ARHGEF7: variants seen among roughly 807,000 people sequenced by gnomAD.
The protein encoded by ARHGEF7 is Rho guanine nucleotide exchange factor 7, also known as PAK-interacting exchange factor beta.
Under a neutral mutation model 109.8 loss-of-function variants are expected in ARHGEF7, and 33 were observed. The ratio of observed to expected loss-of-function variants is 0.30; its 90% CI spans 0.23 to 0.40. ARHGEF7 has a LOEUF of 0.40. Ranked by LOEUF, ARHGEF7 falls within the 10% of genes least tolerant of loss-of-function variation. The probability of loss-of-function intolerance (pLI) is 1.00; values close to 1 mark genes in which losing one functional copy is unlikely to be tolerated. For missense variants in ARHGEF7, 938 were observed against 1,098.5 expected (o/e 0.85, Z 2.07); for synonymous variants, 458 against 424.6 (o/e 1.08, Z -0.97).
chr13:111,288,251 A>T, intron 17 of ARHGEF7, 103 bp from the exon 18 acceptor site: 1 of 554,660 alleles, frequency 1.8e-6, no homozygotes, highest in Non-Finnish European at 3.2e-6. Flanking sequence ...AGATTATCTT[A>T]CTTGGTCACT....
At chr13:111,192,737 G>C (rs866622821) in intron 2 of ARHGEF7, among the ~76,000 whole-genome samples, 1 of 152,160 alleles carries the variant, frequency 6.6e-6, no homozygotes, top group East Asian at 1.9e-4. Context: ...GAGTTACCAC[G>C]GCTTTAAAAG....
At chr13:111,293,102 C>T in intron 19 of ARHGEF7, 2 of 985,408 alleles carry the variant, frequency 2.0e-6, no homozygotes, top group African/African-American at 1.7e-5. Context: ...CATAGCAAGC[C>T]TGTACCACTC....
At chr13:111,278,106 G>A (rs1420752094) in intron 13 of ARHGEF7, among the ~76,000 whole-genome samples, 4 of 152,208 alleles carry the variant, frequency 2.6e-5, no homozygotes, top group Non-Finnish European at 5.9e-5. Flanking sequence ...AGAAAGTGAT[G>A]TAAGGGTGTA....
intron 2 of ARHGEF7, among the ~76,000 whole-genome samples, chr13:111,172,500 C>G (rs567249021): frequency 2.8e-4 from 42 of 152,310 alleles, no homozygotes; most frequent in African/African-American, 9.6e-4. Flanking sequence ...ATCACCTCAT[C>G]CTGTGACAGT....
chr13:111,270,104 C>T (rs1016347133), intron 9 of ARHGEF7, among the ~76,000 whole-genome samples: 2 of 152,206 alleles, frequency 1.3e-5, no homozygotes, highest in African/African-American at 2.4e-5. Context: ...CAACTCTGAC[C>T]GTTTTAGCAG....
intron 1 of ARHGEF7, among the ~76,000 whole-genome samples, chr13:111,136,900 TGATAAAGGGGATATCATCACC>T (rs2075114072): frequency 1.3e-5 from 2 of 152,154 alleles, no homozygotes; most frequent in Non-Finnish European, 2.9e-5. Context: ...CAATAAAAAA[TGATAAAGGGGATATCATCACC>T]GATCCCACAG....
At chr13:111,172,694 T>A (rs933299489) in intron 2 of ARHGEF7, among the ~76,000 whole-genome samples, 2 of 152,186 alleles carry the variant, frequency 1.3e-5, no homozygotes, top group Non-Finnish European at 2.9e-5. Context: ...GAGAGAGGGG[T>A]CCTGGTGCTG....
At chr13:111,278,663 G>A (rs1262151994) in intron 13 of ARHGEF7, among the ~76,000 whole-genome samples, 1 of 152,206 alleles carries the variant, frequency 6.6e-6, no homozygotes, top group African/African-American at 2.4e-5. Context: ...TCTGTGGCTA[G>A]GATAGTGCCC....
chr13:111,291,264 C>T (rs2093270102), intron 18 of ARHGEF7, among the ~76,000 whole-genome samples: 1 of 152,272 alleles, frequency 6.6e-6, no homozygotes, highest in Admixed American at 6.5e-5. Flanking sequence ...GGGCAGTGCT[C>T]ATAGTTGCCA....
chr13:111,173,231 A>G (rs2077765494), intron 2 of ARHGEF7, among the ~76,000 whole-genome samples: 1 of 152,050 alleles, frequency 6.6e-6, no homozygotes, highest in East Asian at 1.9e-4. Flanking sequence ...CAGCCTAGCC[A>G]TGGTTGGGGT....
chr13:111,143,592 A>G (rs886389843), intron 1 of ARHGEF7: 1 of 152,262 alleles, frequency 6.6e-6, no homozygotes, highest in African/African-American at 2.4e-5. Flanking sequence ...AAAAAAGACA[A>G]TTATTCCACG....
At chr13:111,130,243 G>A (rs953698902) in intron 1 of ARHGEF7, among the ~76,000 whole-genome samples, 1 of 152,276 alleles carries the variant, frequency 6.6e-6, no homozygotes, top group Non-Finnish European at 1.5e-5. Context: ...CTGCGTGAGG[G>A]GCAGAGTCAT....
intron 8 of ARHGEF7, among the ~76,000 whole-genome samples, chr13:111,247,548 G>A (rs137998857): frequency 6.6e-6 from 1 of 152,242 alleles, no homozygotes; most frequent in Non-Finnish European, 1.5e-5. Context: ...TGGGATTACA[G>A]GCGTGAGCAA....
At chr13:111,247,437 T>C (rs1017639194) in intron 8 of ARHGEF7, among the ~76,000 whole-genome samples, 16 of 151,956 alleles carry the variant, frequency 1.1e-4, no homozygotes, top group African/African-American at 3.9e-4. Context: ...CCCAGCTAAT[T>C]TTTATGTATT....
At chr13:111,175,619 C>T (rs1039143900) in intron 2 of ARHGEF7, among the ~76,000 whole-genome samples, 3 of 152,202 alleles carry the variant, frequency 2.0e-5, no homozygotes, top group African/African-American at 7.2e-5. Context: ...TGGCTCCTCA[C>T]TGGGCGTCCT....
At chr13:111,289,329 C>T (rs934456624) in intron 18 of ARHGEF7, among the ~76,000 whole-genome samples, 6 of 152,176 alleles carry the variant, frequency 3.9e-5, no homozygotes, top group African/African-American at 1.4e-4. Context: ...ACACAGTGCT[C>T]GGCCCTAAGG....
chr13:111,169,576 A>G (rs1489590220), intron 2 of ARHGEF7, among the ~76,000 whole-genome samples: 17 of 152,122 alleles, frequency 1.1e-4, no homozygotes, highest in Admixed American at 6.5e-4. Flanking sequence ...CACCTCCAAC[A>G]TTGGGGATTA....
At chr13:111,289,962 C>T (rs554965288) in intron 18 of ARHGEF7, among the ~76,000 whole-genome samples, 5 of 152,090 alleles carry the variant, frequency 3.3e-5, no homozygotes, top group South Asian at 4.2e-4. Flanking sequence ...AATAGAGAAA[C>T]GGAAAGGCCT....
intron 2 of ARHGEF7, among the ~76,000 whole-genome samples, chr13:111,157,659 G>T (rs1595153340): frequency 6.6e-6 from 1 of 152,174 alleles, no homozygotes; most frequent in East Asian, 1.9e-4. Flanking sequence ...GCAAGTGATA[G>T]GACATTTCTT....
Sources: gnomAD v4.1 joint callset for allele counts (sites outside exome capture counted in the v4.1 genomes callset) on GRCh38, gnomAD v4.1.1 for gene constraint, MANE v1.5 for transcripts, NCBI Gene and HGNC (gene_info 2026-07-23, HGNC 2026-07-21) for gene names.